Variants in ADAMTS6 observed in about 807,000 individuals in gnomAD.
ADAMTS6 encodes the protein ADAM metallopeptidase with thrombospondin type 1 motif 6, also known as A disintegrin and metalloproteinase with thrombospondin motifs 6.
In ADAMTS6, 23 loss-of-function variants were observed where a neutral mutation model predicts 144.3. The observed-to-expected ratio is 0.16, with a 90% confidence interval of 0.11 to 0.23. ADAMTS6 has a LOEUF of 0.23. Among genes scored for constraint, ADAMTS6 ranks in the 10% least tolerant of loss-of-function variants. ADAMTS6 has a pLI of 1.00. For missense variants in ADAMTS6, 999 were observed against 1,379.6 expected (o/e 0.72, Z 4.37); for synonymous variants, 444 against 457.5 (o/e 0.97, Z 0.38).
At chr5:65,226,333 G>T in intron 15 of ADAMTS6, 114 bp from the exon 16 acceptor site, 1 of 1,074,946 alleles carries the variant, frequency 9.3e-7, no homozygotes, top group Non-Finnish European at 1.3e-6. Context: ...CTGCTTATAT[G>T]CCTGATTGTG....
At chr5:65,432,510 A>G (rs995596304) in intron 7 of ADAMTS6, among the ~76,000 whole-genome samples, 2 of 152,012 alleles carry the variant, frequency 1.3e-5, no homozygotes, top group South Asian at 2.1e-4. Context: ...CTTTGCATAC[A>G]TTAGCACTTA....
At chr5:65,324,359 A>C (rs923921044) in intron 9 of ADAMTS6, among the ~76,000 whole-genome samples, 1 of 152,134 alleles carries the variant, frequency 6.6e-6, no homozygotes, top group African/African-American at 2.4e-5. Context: ...ATATCCTCAC[A>C]ATCTTGAAAT....
chr5:65,395,755 C>G (rs1753282291), intron 7 of ADAMTS6, among the ~76,000 whole-genome samples: 1 of 152,162 alleles, frequency 6.6e-6, no homozygotes, highest in Non-Finnish European at 1.5e-5. Flanking sequence ...CTGTAAATCC[C>G]TGGTCCCATT....
At chr5:65,329,992 G>A (rs1472042963) in intron 8 of ADAMTS6, among the ~76,000 whole-genome samples, 1 of 152,058 alleles carries the variant, frequency 6.6e-6, no homozygotes, top group African/African-American at 2.4e-5. Context: ...AGATGGAAAG[G>A]AGAACTGTTA....
At chr5:65,294,445 A>G (rs1297826014) in intron 10 of ADAMTS6, among the ~76,000 whole-genome samples, 1 of 152,192 alleles carries the variant, frequency 6.6e-6, no homozygotes. Flanking sequence ...CCTGGTCTCA[A>G]GAGATCTTCC....
chr5:65,217,302 T>C (rs149609508), intron 18 of ADAMTS6, among the ~76,000 whole-genome samples: 128 of 152,088 alleles, frequency 8.4e-4, no homozygotes, highest in African/African-American at 3.0e-3. Context: ...CTGTCATATA[T>C]GAAATAGTAA....
intron 9 of ADAMTS6, among the ~76,000 whole-genome samples, chr5:65,310,091 T>G (rs1744343096): frequency 6.6e-6 from 1 of 151,844 alleles, no homozygotes; most frequent in Non-Finnish European, 1.5e-5. Flanking sequence ...GATCTGGTCT[T>G]TTAAAAGTGT....
At chr5:65,287,977 A>G (rs1741854651) in intron 11 of ADAMTS6, among the ~76,000 whole-genome samples, 1 of 152,200 alleles carries the variant, frequency 6.6e-6, no homozygotes, top group Admixed American at 6.5e-5. Context: ...TGTTCTTTGT[A>G]TTTACAGCCA....
chr5:65,294,860 C>T (rs28516380), intron 10 of ADAMTS6, among the ~76,000 whole-genome samples: 87,868 of 151,390 alleles, frequency 0.58, 26,612 homozygotes, highest in African/African-American at 0.77. Context: ...TAACTACTAT[C>T]CTAACTTTTT....
At chr5:65,242,650 T>C (rs1487987612) in intron 14 of ADAMTS6, among the ~76,000 whole-genome samples, 1 of 152,120 alleles carries the variant, frequency 6.6e-6, no homozygotes, top group Non-Finnish European at 1.5e-5. Context: ...CTATTAATTG[T>C]GGTTTGGACT....
chr5:65,468,062 A>G (rs1280444197), intron 3 of ADAMTS6, among the ~76,000 whole-genome samples: 2 of 152,194 alleles, frequency 1.3e-5, no homozygotes, highest in Non-Finnish European at 2.9e-5. Context: ...AACTCCAGAA[A>G]AAACAAAACC....
chr5:65,192,314 G>A (rs1455717746), intron 21 of ADAMTS6, among the ~76,000 whole-genome samples: 1 of 151,922 alleles, frequency 6.6e-6, no homozygotes, highest in Non-Finnish European at 1.5e-5. Flanking sequence ...ATTACCCTCA[G>A]GAAAGAGAAC....
intron 9 of ADAMTS6, among the ~76,000 whole-genome samples, chr5:65,305,161 G>T (rs904493020): frequency 2.0e-5 from 3 of 152,104 alleles, no homozygotes; most frequent in African/African-American, 7.2e-5. Context: ...TATAAATAGA[G>T]AAAGATAAAA....
At chr5:65,169,135 A>C (rs1579944983) in intron 24 of ADAMTS6, among the ~76,000 whole-genome samples, 1 of 38,874 alleles carries the variant, frequency 2.6e-5, no homozygotes, top group South Asian at 7.3e-4. Flanking sequence ...CAACCTACTC[A>C]TCTGACAAAG....
intron 9 of ADAMTS6, among the ~76,000 whole-genome samples, chr5:65,323,465 G>A (rs942639446): frequency 4.5e-4 from 68 of 151,900 alleles, no homozygotes; most frequent in African/African-American, 1.6e-3. Flanking sequence ...TTTTATGGCT[G>A]CATAGTATTC....
intron 7 of ADAMTS6, among the ~76,000 whole-genome samples, chr5:65,436,083 G>GC (rs1757377767): frequency 6.6e-6 from 1 of 151,984 alleles, no homozygotes; most frequent in Non-Finnish European, 1.5e-5. Context: ...TAATTAGGGG[G>GC]CTGGGCACTG....
chr5:65,377,610 C>T (rs1046514953), intron 7 of ADAMTS6, among the ~76,000 whole-genome samples: 3 of 152,132 alleles, frequency 2.0e-5, no homozygotes, highest in African/African-American at 7.2e-5. Flanking sequence ...CTAATTTTGA[C>T]TCTATGTACC....
intron 9 of ADAMTS6, among the ~76,000 whole-genome samples, chr5:65,314,286 A>G (rs910381002): frequency 3.9e-5 from 6 of 152,116 alleles, no homozygotes; most frequent in African/African-American, 1.2e-4. Context: ...TAGGGTGAAT[A>G]GAAACTTCCC....
At chr5:65,428,227 A>AG (rs1189126888) in intron 7 of ADAMTS6, among the ~76,000 whole-genome samples, 9 of 143,768 alleles carry the variant, frequency 6.3e-5, no homozygotes, top group African/African-American at 2.4e-4. Context: ...CTCCATCTCA[A>AG]AAAAAAAAAA....
Sources: gnomAD v4.1 joint callset for allele counts (sites outside exome capture counted in the v4.1 genomes callset) on GRCh38, gnomAD v4.1.1 for gene constraint, MANE v1.5 for transcripts, NCBI Gene and HGNC (gene_info 2026-07-23, HGNC 2026-07-21) for gene names.